LOC101059915: variants seen among roughly 807,000 people sequenced by gnomAD.
the LOC101059915 span, chrX:71,670,202 AC>A: frequency 8.6e-7 from 1 of 1,158,895 alleles, no homozygotes. Context: ...AGACCCTGCT[AC>A]GCCCTTTCCA....
chrX:71,671,188 T>G, the LOC101059915 span: 1 of 1,164,879 alleles, frequency 8.6e-7, no homozygotes, highest in Non-Finnish European at 1.1e-6. Flanking sequence ...GAGTACCCAG[T>G]TCTGTCTCTC....
chrX:71,669,598 C>A, the LOC101059915 span: 1 of 963,578 alleles, frequency 1.0e-6, no homozygotes, highest in Non-Finnish European at 1.3e-6. Flanking sequence ...TCTGTCCGTG[C>A]GTCGTGGAGA....
the LOC101059915 span, chrX:71,670,351 C>T: frequency 8.6e-7 from 1 of 1,165,454 alleles, no homozygotes; most frequent in South Asian, 1.9e-5. Context: ...CTTTGTGTGG[C>T]TCCTAGAAAT....
At chrX:71,671,059 C>G in the LOC101059915 span, 1 of 1,127,380 alleles carries the variant, frequency 8.9e-7, no homozygotes, top group Non-Finnish European at 1.2e-6. Context: ...GAAGGCATTT[C>G]CACATTTAAT....
chrX:71,669,691 G>C, the LOC101059915 span: 2 of 973,268 alleles, frequency 2.1e-6, no homozygotes, highest in Middle Eastern at 3.3e-4. Context: ...GAGACGCCTG[G>C]TGCCCAGATG....
chrX:71,668,289 C>T, the LOC101059915 span: 2 of 1,132,867 alleles, frequency 1.8e-6, no homozygotes, highest in Non-Finnish European at 2.3e-6. Flanking sequence ...CCTCTGCCGG[C>T]CCTCTCCACC....
At chrX:71,669,599 G>A in the LOC101059915 span, 4 of 963,504 alleles carry the variant, frequency 4.2e-6, no homozygotes, top group Admixed American at 5.3e-5. Context: ...CTGTCCGTGC[G>A]TCGTGGAGAA....
the LOC101059915 span, chrX:71,671,244 G>T: frequency 2.6e-6 from 3 of 1,162,778 alleles, no homozygotes; most frequent in African/African-American, 3.6e-5. Context: ...TCCAGGACCT[G>T]TGAAGTGAGT....
the LOC101059915 span, chrX:71,667,846 G>A: frequency 4.6e-6 from 5 of 1,090,973 alleles, no homozygotes; most frequent in Non-Finnish European, 5.9e-6. Context: ...GGCTGGTTTA[G>A]GCCCAGAGGG....
At chrX:71,668,944 C>T in the LOC101059915 span, 1 of 1,155,924 alleles carries the variant, frequency 8.7e-7, no homozygotes, top group African/African-American at 1.8e-5. Flanking sequence ...GCACAGCAGC[C>T]CTGGGAAGAA....
At chrX:71,669,208 C>T in the LOC101059915 span, among the ~76,000 whole-genome samples, 1 of 111,833 alleles carries the variant, frequency 8.9e-6, no homozygotes, top group East Asian at 2.8e-4. Context: ...ACTAGGATGC[C>T]CGATTGGGGT....
chrX:71,670,745 G>T, the LOC101059915 span: 1 of 1,088,169 alleles, frequency 9.2e-7, no homozygotes, highest in Non-Finnish European at 1.2e-6. Context: ...GGTATAGGTG[G>T]TGTCACTGGG....
chrX:71,669,701 G>A, the LOC101059915 span: 109 of 973,828 alleles, frequency 1.1e-4, no homozygotes, highest in South Asian at 4.7e-3. Flanking sequence ...GTGCCCAGAT[G>A]CCATGCATCC....
chrX:71,669,681 G>C, the LOC101059915 span: 4 of 972,790 alleles, frequency 4.1e-6, no homozygotes, highest in South Asian at 2.1e-4. Flanking sequence ...CCTTTACCTT[G>C]AGACGCCTGG....
the LOC101059915 span, chrX:71,669,483 C>G: frequency 1.1e-6 from 1 of 872,247 alleles, no homozygotes; most frequent in Non-Finnish European, 1.5e-6. Flanking sequence ...GGGGTCTCCA[C>G]CTTAACACAA....
the LOC101059915 span, chrX:71,668,891 G>T: frequency 1.5e-5 from 17 of 1,113,507 alleles, no homozygotes; most frequent in African/African-American, 1.8e-5. Context: ...CCAGTGTCTG[G>T]CGTGGGGCTC....
chrX:71,667,869 C>G, the LOC101059915 span: 1 of 1,104,164 alleles, frequency 9.1e-7, no homozygotes, highest in Non-Finnish European at 1.2e-6. Context: ...GCGAGCAGGC[C>G]GGCGCCCACA....
At chrX:71,668,768 T>C in the LOC101059915 span, 6 of 1,067,892 alleles carry the variant, frequency 5.6e-6, no homozygotes, top group Non-Finnish European at 7.2e-6. Flanking sequence ...GGAAGGAAGG[T>C]GGCCCAGGAG....
the LOC101059915 span, chrX:71,667,964 A>G: frequency 8.6e-7 from 1 of 1,163,405 alleles, no homozygotes; most frequent in Non-Finnish European, 1.1e-6. Context: ...GGTAAGGGCA[A>G]GGGCGAGAGC....
Sources: allele counts gnomAD v4.1 joint callset (sites outside exome capture counted in the v4.1 genomes callset), GRCh38; gene constraint gnomAD v4.1.1; transcripts MANE v1.5.